The following XPO7 variants were observed in gnomAD, a reference collection of about 807,000 sequenced individuals.
XPO7 encodes the protein exportin-7.
A neutral mutation model predicts 144.3 loss-of-function variants in XPO7; 21 were observed. The observed-to-expected ratio is 0.15, with a 90% CI of 0.10 to 0.21. The LOEUF (loss-of-function observed/expected upper bound fraction) is 0.21. Ranked by LOEUF, XPO7 falls within the 10% of genes least tolerant of loss-of-function variation. The pLI, the probability that XPO7 is intolerant of heterozygous loss-of-function variation, is 1.00. For missense variants in XPO7, 808 were observed against 1,325.8 expected, an observed-to-expected ratio of 0.61 and a Z score of 6.06; for synonymous variants, 580 against 499.6, an observed-to-expected ratio of 1.16 and a Z score of -2.15.
chr8:21,964,659 C>T (rs1430074830), intron 1 of XPO7, among the ~76,000 whole-genome samples: 1 of 151,742 alleles, frequency 6.6e-6, no homozygotes, highest in Non-Finnish European at 1.5e-5. Context: ...TGTAAATGGT[C>T]AAATTGCGTT....
intron 1 of XPO7, among the ~76,000 whole-genome samples, chr8:21,952,128 G>A (rs976444697): frequency 2.0e-5 from 3 of 152,146 alleles, no homozygotes; most frequent in African/African-American, 7.2e-5. Flanking sequence ...GTGAGGGATG[G>A]TAAAATAACT....
At chr8:21,985,287 CT>C (rs1246266005) in intron 12 of XPO7, among the ~76,000 whole-genome samples, 1 of 152,206 alleles carries the variant, frequency 6.6e-6, no homozygotes, top group Non-Finnish European at 1.5e-5. Context: ...TGGGCTTCCT[CT>C]TTTTACCGGG....
chr8:21,961,358 C>G (rs968598844), intron 1 of XPO7, among the ~76,000 whole-genome samples: 1 of 151,868 alleles, frequency 6.6e-6, no homozygotes, highest in Admixed American at 6.6e-5. Context: ...GACAAGGGCA[C>G]GCTACCACAC....
At chr8:21,925,167 C>T (rs568027940) in intron 1 of XPO7, among the ~76,000 whole-genome samples, 6 of 152,226 alleles carry the variant, frequency 3.9e-5, no homozygotes, top group African/African-American at 1.4e-4. Context: ...AGGAAATTCT[C>T]AATGGAATGG....
chr8:21,957,043 T>G (rs1360301816), intron 1 of XPO7, among the ~76,000 whole-genome samples: 1 of 152,110 alleles, frequency 6.6e-6, no homozygotes, highest in Non-Finnish European at 1.5e-5. Flanking sequence ...AGGTGTGCCA[T>G]TTGTGGAGTA....
chr8:21,930,883 G>C (rs1810622706), intron 1 of XPO7, among the ~76,000 whole-genome samples: 1 of 152,174 alleles, frequency 6.6e-6, no homozygotes, highest in Non-Finnish European at 1.5e-5. Context: ...GCCCAAGCTA[G>C]AGTGCAGTGT....
chr8:22,000,603 C>A (rs1167400692), intron 24 of XPO7, among the ~76,000 whole-genome samples: 3 of 152,092 alleles, frequency 2.0e-5, no homozygotes, highest in African/African-American at 7.2e-5. Context: ...TAGGCGCCCG[C>A]CACCATGCCT....
intron 1 of XPO7, among the ~76,000 whole-genome samples, chr8:21,931,787 T>A (rs1810658248): frequency 6.6e-6 from 1 of 152,232 alleles, no homozygotes. Flanking sequence ...AAAACCAGAT[T>A]CATTCTCTAT....
At chr8:21,987,063 C>T (rs1812602676) in intron 13 of XPO7, 78 bp from the exon 14 acceptor site, 2 of 1,588,932 alleles carry the variant, frequency 1.3e-6, no homozygotes, top group Non-Finnish European at 1.7e-6. Flanking sequence ...CATATACGAC[C>T]ATGTCAAGAT....
chr8:21,940,544 A>G (rs1810957031), intron 1 of XPO7, among the ~76,000 whole-genome samples: 1 of 148,684 alleles, frequency 6.7e-6, no homozygotes, highest in Admixed American at 6.7e-5. Flanking sequence ...ATCTCGGCTC[A>G]CTGCAACCTC....
At chr8:21,977,980 G>A (rs1812282588) in intron 8 of XPO7, 137 bp downstream of exon 8, 2 of 737,296 alleles carry the variant, frequency 2.7e-6, no homozygotes, top group South Asian at 2.2e-5. Flanking sequence ...CTAGTCTTTT[G>A]AGATTAAGCT....
chr8:21,953,757 A>G (rs1811448421), intron 1 of XPO7, among the ~76,000 whole-genome samples: 1 of 152,198 alleles, frequency 6.6e-6, no homozygotes, highest in African/African-American at 2.4e-5. Context: ...TTTCTTGATG[A>G]TACATGATGT....
chr8:22,001,804 C>T (rs11774629), intron 24 of XPO7, among the ~76,000 whole-genome samples: 88,055 of 152,100 alleles, frequency 0.58, 26,099 homozygotes, highest in African/African-American at 0.72. Flanking sequence ...CTTAGCACAA[C>T]ATCTGGCACA....
chr8:21,985,530 G>C, intron 12 of XPO7, 56 bp from the exon 13 acceptor site: 1 of 1,490,744 alleles, frequency 6.7e-7, no homozygotes, highest in South Asian at 1.1e-5. Flanking sequence ...TCAGAGTGAG[G>C]AATGTCTTCA....
chr8:21,967,538 G>A (rs1459688606), intron 2 of XPO7, among the ~76,000 whole-genome samples: 1 of 152,006 alleles, frequency 6.6e-6, no homozygotes, highest in Non-Finnish European at 1.5e-5. Flanking sequence ...TCTCCGTGTT[G>A]GTCAGGCTGG....
chr8:21,934,525 C>G (rs1317663548), intron 1 of XPO7, among the ~76,000 whole-genome samples: 2 of 151,436 alleles, frequency 1.3e-5, no homozygotes, highest in South Asian at 4.2e-4. Context: ...AAGAGCGAAA[C>G]TCCGTCTCAA....
intron 21 of XPO7, among the ~76,000 whole-genome samples, chr8:21,998,309 C>T (rs186958224): frequency 0.021 from 3,129 of 152,152 alleles, 52 homozygotes; most frequent in Middle Eastern, 0.061. Flanking sequence ...GGCGTGGTGG[C>T]GGGCACCTGT....
intron 20 of XPO7, among the ~76,000 whole-genome samples, chr8:21,994,957 G>A (rs1812894553): frequency 6.6e-6 from 1 of 152,070 alleles, no homozygotes; most frequent in Non-Finnish European, 1.5e-5. Context: ...GGGAGGCTAA[G>A]GCAGGAGAAT....
At position 21,991,910 on chromosome 8, in the gene XPO7, C is replaced by A. The variant is rs753382982; in HGVS notation, c.2084C>A (p.Thr695Lys). ...DQYEQFMLPL[T>K]AAFEAVAQMF... ...TATGAGCAGTTCATGCTGCCACTCACAGCAGCATTTGAGGCTGTGGCCCAG... is the reference window on the plus strand; with the variant it reads ...TATGAGCAGTTCATGCTGCCACTCAAAGCAGCATTTGAGGCTGTGGCCCAG... The change falls in exon 19 of 28, where the codon ACA (threonine) becomes AAA (lysine). Residue 695 changes from threonine to lysine, a missense_variant. Thr to Lys is a moderately conservative substitution (Grantham distance 78). Transcript: ENST00000252512. 2 of 1,613,512 alleles carry A rather than the reference C, an allele frequency of 1.2e-6. No homozygotes were observed. The highest frequency in any genetic ancestry group is 1.7e-6 in the Non-Finnish European group (2 of 1,179,792).
Sources: gnomAD v4.1 joint callset for allele counts (sites outside exome capture counted in the v4.1 genomes callset) on GRCh38, gnomAD v4.1.1 for gene constraint, MANE v1.5 for transcripts, NCBI Gene and HGNC (gene_info 2026-07-23, HGNC 2026-07-21) for gene names.